PLCG2: variants seen among roughly 807,000 people sequenced by gnomAD.
PLCG2 encodes 1-phosphatidylinositol 4,5-bisphosphate phosphodiesterase gamma-2.
A neutral mutation model predicts 175.6 loss-of-function variants in PLCG2; 69 were observed. The ratio of observed to expected loss-of-function variants is 0.39; its 90% CI spans 0.32 to 0.48. PLCG2 has a LOEUF of 0.48. Among genes scored for constraint, PLCG2 ranks in the 20% least tolerant of loss-of-function variants. The probability of loss-of-function intolerance (pLI) is 0.91; values close to 1 mark genes in which losing one functional copy is unlikely to be tolerated. For missense variants in PLCG2, 1,798 were observed against 1,650.9 expected (o/e 1.09, Z -1.54); for synonymous variants, 827 against 624.0 (o/e 1.33, Z -4.85).
At chr16:81,860,969 T>G (rs1171457336) in intron 5 of PLCG2, among the ~76,000 whole-genome samples, 3 of 151,816 alleles carry the variant, frequency 2.0e-5, no homozygotes, top group Non-Finnish European at 4.4e-5. Context: ...AGAGCAAGAC[T>G]CCGTCTCAAA....
At chr16:81,831,082 G>C (rs1905241438) in intron 2 of PLCG2, among the ~76,000 whole-genome samples, 1 of 152,092 alleles carries the variant, frequency 6.6e-6, no homozygotes, top group Non-Finnish European at 1.5e-5. Context: ...CACCACCTCT[G>C]GGGAGGCCTC....
intron 19 of PLCG2, among the ~76,000 whole-genome samples, chr16:81,915,864 A>G (rs1364855647): frequency 6.6e-6 from 1 of 152,202 alleles, no homozygotes; most frequent in East Asian, 1.9e-4. Flanking sequence ...GCAGGAGGAT[A>G]TTCTCTCTAT....
At chr16:81,776,543 G>A (rs1271171361), upstream of PLCG2, among the ~76,000 whole-genome samples, 7 of 152,198 alleles carry the variant, frequency 4.6e-5, no homozygotes, top group East Asian at 1.9e-4. Context: ...AGCGCCTGCC[G>A]CCTTGATGAT....
intron 2 of PLCG2, among the ~76,000 whole-genome samples, chr16:81,816,228 G>A (rs973858328): frequency 7.9e-5 from 12 of 152,000 alleles, no homozygotes; most frequent in African/African-American, 2.9e-4. Context: ...AAAATTAGCT[G>A]GGTGTGGCAG....
intron 2 of PLCG2, among the ~76,000 whole-genome samples, chr16:81,789,882 C>G (rs1476683377): frequency 6.7e-6 from 1 of 149,910 alleles, no homozygotes; most frequent in Non-Finnish European, 1.5e-5. Context: ...ATTTGGATGC[C>G]CACTGTAGGC....
chr16:81,943,876 T>A (rs1911051130), intron 30 of PLCG2, among the ~76,000 whole-genome samples: 2 of 152,088 alleles, frequency 1.3e-5, no homozygotes, highest in African/African-American at 4.8e-5. Context: ...GTATAAAACA[T>A]TCAGGTTTTA....
chr16:81,949,789 A>ACAAT (rs768657194), intron 31 of PLCG2, among the ~76,000 whole-genome samples: 1 of 152,364 alleles, frequency 6.6e-6, no homozygotes, highest in East Asian at 1.9e-4. Flanking sequence ...ATAAAAAATG[A>ACAAT]CAATCAAAAG....
At chr16:81,938,719 C>T in intron 28 of PLCG2, 82 bp from the exon 29 acceptor site, 2 of 782,754 alleles carry the variant, frequency 2.6e-6, no homozygotes, top group Non-Finnish European at 2.2e-6. Context: ...TCCAGTGTCA[C>T]TCTAGAACCC....
chr16:81,798,751 G>C (rs185442316), intron 2 of PLCG2: 28 of 152,504 alleles, frequency 1.8e-4, no homozygotes, highest in African/African-American at 6.7e-4. Context: ...ATTAGGCAAG[G>C]CATGGTGAGA....
At chr16:81,928,735 C>T (rs1910381938) in intron 24 of PLCG2, 111 bp downstream of exon 24, 1 of 731,024 alleles carries the variant, frequency 1.4e-6, no homozygotes. Context: ...TCTTGAATGC[C>T]AGCTCCTTCC....
At position 81,827,499 on chromosome 16, in the gene PLCG2, T is replaced by C. The variant is rs187110715; in HGVS notation, c.194-26945T>C. On this transcript the variant is annotated intron_variant, in intron 2 of 32. Transcript: ENST00000564138. ...TCACTGTACCCGGCCTGCATTTATT[T>C]CTTTAAAATCCTACTTCCTCTGTTT... 6.8e-3 allele frequency among the ~76,000 whole-genome samples: 1,040 copies of C among 152,174 alleles called. 10 individuals carry two copies. The highest frequency in any genetic ancestry group is 0.011 in the Non-Finnish European group (764 of 67,996).
chr16:81,936,527 G>A (rs753767647), intron 27 of PLCG2, 149 bp downstream of exon 27: 7 of 662,792 alleles, frequency 1.1e-5, no homozygotes, highest in Admixed American at 4.9e-5. Context: ...GTAATGGTTA[G>A]TATGAGGTCC....
intron 20 of PLCG2, 61 bp from the exon 21 acceptor site, chr16:81,921,137 T>C: frequency 9.9e-7 from 1 of 1,008,280 alleles, no homozygotes; most frequent in African/African-American, 1.6e-5. Flanking sequence ...ACCCTTGTTA[T>C]ATGTAAGGGC....
chr16:81,936,424 G>T, intron 27 of PLCG2, 46 bp downstream of exon 27: 1 of 1,521,294 alleles, frequency 6.6e-7, no homozygotes, highest in Non-Finnish European at 9.1e-7. Flanking sequence ...GGTGGCGGTT[G>T]CAGTCACTCC....
chr16:81,844,142 G>GCTT (rs1905984203), intron 2 of PLCG2, among the ~76,000 whole-genome samples: 1 of 63,152 alleles, frequency 1.6e-5, no homozygotes, highest in Non-Finnish European at 3.4e-5. Context: ...ACACCCGGCT[G>GCTT]ATTTTTTTTT....
chr16:81,899,221 T>G (rs1310114161), intron 13 of PLCG2, among the ~76,000 whole-genome samples: 2 of 151,066 alleles, frequency 1.3e-5, no homozygotes, highest in Non-Finnish European at 2.9e-5. Context: ...ATAAAATAAA[T>G]AAATACATAA....
chr16:81,899,574 T>C (rs926609816), intron 13 of PLCG2, among the ~76,000 whole-genome samples: 1 of 152,160 alleles, frequency 6.6e-6, no homozygotes, highest in African/African-American at 2.4e-5. Flanking sequence ...CTTCCTGGTC[T>C]ACAGCGTGAA....
chr16:81,815,634 T>C (rs961441982), intron 2 of PLCG2, among the ~76,000 whole-genome samples: 2 of 152,182 alleles, frequency 1.3e-5, no homozygotes, highest in African/African-American at 4.8e-5. Context: ...CAAGTCCCTC[T>C]TCAGCTGCTG....
In PLCG2 at chr16:81,910,817, A is replaced by G; in HGVS notation, c.1934+97A>G. ...GGTGGTTCAGCCGGGCCAGTCCCCC[A>G]GGACACCCTCTCCCCAGCCCACCGG... On this transcript the variant is annotated intron_variant, in intron 18 of 32. Coordinates refer to ENST00000564138, the MANE Select transcript of PLCG2 (RefSeq NM_002661.5). 9 of 1,153,040 alleles carry G rather than the reference A, an allele frequency of 7.8e-6. No homozygotes were observed. In the South Asian group the frequency reaches 8.8e-5, roughly 11 times the overall value. The allele number at this position is 1,153,040 out of a possible 1,614,324, so 71.4% of individuals were successfully genotyped here.
Sources: allele counts gnomAD v4.1 joint callset (sites outside exome capture counted in the v4.1 genomes callset), GRCh38; gene constraint gnomAD v4.1.1; transcripts MANE v1.5; gene names NCBI Gene and HGNC (gene_info 2026-07-23, HGNC 2026-07-21).